The following RANBP2 variants were observed in gnomAD, a reference collection of about 807,000 sequenced individuals.
The protein encoded by RANBP2 is E3 SUMO-protein ligase RanBP2.
RANBP2 carries 57 observed loss-of-function variants against 303.6 expected under a neutral mutation model. The observed-to-expected ratio is 0.19, with a 90% CI of 0.15 to 0.23. RANBP2 has a LOEUF of 0.23. Among genes scored for constraint, RANBP2 ranks in the 10% least tolerant of loss-of-function variants. RANBP2 has a pLI of 1.00. For synonymous variants in RANBP2, 1,167 were observed against 1,301.5 expected (o/e 0.90, Z 2.23); for missense variants, 3,138 against 3,780.8 (o/e 0.83, Z 4.46).
the RANBP2 span, chr2:109,544,179 C>T: frequency 2.1e-5 from 34 of 1,589,838 alleles, no homozygotes; most frequent in African/African-American, 4.4e-4. Flanking sequence ...CCATAAATAT[C>T]AGTAACTGTG....
chr2:109,388,114 C>T, the RANBP2 span, among the ~76,000 whole-genome samples: 2,063 of 152,272 alleles, frequency 0.014, 39 homozygotes, highest in African/African-American at 0.046. Context: ...CACCATCCTA[C>T]GCCTGCCCAC....
chr2:109,514,429 T>A, the RANBP2 span, among the ~76,000 whole-genome samples: 1 of 152,134 alleles, frequency 6.6e-6, no homozygotes, highest in South Asian at 2.1e-4. Flanking sequence ...ATTATGACTG[T>A]GCACAGCTCA....
the RANBP2 span, among the ~76,000 whole-genome samples, chr2:109,094,800 A>C: frequency 6.6e-6 from 1 of 152,234 alleles, no homozygotes; most frequent in Admixed American, 6.5e-5. Context: ...ATTGCACTCC[A>C]GCCTGAGTGA....
At position 108,719,848 on chromosome 2, in the gene RANBP2, T is replaced by TC. The variant is rs1694074152; in HGVS notation, c.72+172dup. ...GTGGCGCTTGCAAGCGCATGAAGAG[T>TC]CCTGGGGGGACAGCGGTGGGCGGGA... On this transcript the variant is annotated intron_variant, in intron 1 of 28. Coordinates refer to ENST00000283195, the MANE Select transcript of RANBP2 (RefSeq NM_006267.5). Among the ~76,000 whole-genome samples, 10 of 151,980 alleles carry TC rather than the reference T, an allele frequency of 6.6e-5. No individual in the cohort carries two copies. In the South Asian group the frequency reaches 2.1e-3, roughly 32 times the overall value.
chr2:109,597,451 G>C, the RANBP2 span, among the ~76,000 whole-genome samples: 3 of 152,222 alleles, frequency 2.0e-5, no homozygotes, highest in Non-Finnish European at 4.4e-5. Flanking sequence ...CTCAACAGTA[G>C]TAAGACATGG....
the RANBP2 span, among the ~76,000 whole-genome samples, chr2:109,699,194 T>C: frequency 6.6e-6 from 1 of 152,248 alleles, no homozygotes; most frequent in Non-Finnish European, 1.5e-5. Context: ...ATTCCATGCA[T>C]GCACTAGTCA....
At chr2:108,807,036 G>A in the RANBP2 span, among the ~76,000 whole-genome samples, 31 of 152,248 alleles carry the variant, frequency 2.0e-4, no homozygotes, top group African/African-American at 7.5e-4. Flanking sequence ...TTACTCCTCA[G>A]TTTAAATGCC....
At chr2:109,056,159 G>A in the RANBP2 span, among the ~76,000 whole-genome samples, 4 of 151,888 alleles carry the variant, frequency 2.6e-5, no homozygotes, top group African/African-American at 7.3e-5. Context: ...TCTGTTTTTA[G>A]GGGGTGGGGG....
chr2:109,653,015 C>CT, the RANBP2 span, among the ~76,000 whole-genome samples: 1,977 of 152,262 alleles, frequency 0.013, 45 homozygotes, highest in African/African-American at 0.045. Flanking sequence ...TTTGTGTTTA[C>CT]TAAGGCAGCT....
At chr2:109,398,422 A>G in the RANBP2 span, among the ~76,000 whole-genome samples, 1 of 152,292 alleles carries the variant, frequency 6.6e-6, no homozygotes, top group Middle Eastern at 3.4e-3. Flanking sequence ...AACCTTTTCA[A>G]TAAAACCTAT....
chr2:109,474,969 T>TTTG, the RANBP2 span, among the ~76,000 whole-genome samples: 2 of 151,930 alleles, frequency 1.3e-5, no homozygotes, highest in Non-Finnish European at 2.9e-5. Flanking sequence ...TTTGGGTTTT[T>TTTG]TTTGTTTGTT....
At chr2:109,074,442 G>C in the RANBP2 span, among the ~76,000 whole-genome samples, 1 of 150,870 alleles carries the variant, frequency 6.6e-6, no homozygotes. Context: ...GCTTATGCCT[G>C]TAATCCCAGC....
intron 22 of RANBP2, 97 bp downstream of exon 22, chr2:108,772,678 C>T (rs887385397): frequency 1.0e-4 from 133 of 1,309,420 alleles, no homozygotes; most frequent in South Asian, 1.6e-4. Context: ...ATCGATTTTA[C>T]GATGCCCATG....
At chr2:108,867,282 A>G in the RANBP2 span, among the ~76,000 whole-genome samples, 1 of 152,224 alleles carries the variant, frequency 6.6e-6, no homozygotes, top group South Asian at 2.1e-4. Flanking sequence ...GCTGGAAGCT[A>G]GAACTCCAGA....
chr2:109,404,492 A>G, the RANBP2 span, among the ~76,000 whole-genome samples: 1 of 152,064 alleles, frequency 6.6e-6, no homozygotes, highest in Non-Finnish European at 1.5e-5. Context: ...AAGATGGGGG[A>G]GTGGGGCCTA....
chr2:109,513,740 C>A, the RANBP2 span, among the ~76,000 whole-genome samples: 2 of 152,196 alleles, frequency 1.3e-5, no homozygotes, highest in Non-Finnish European at 2.9e-5. Flanking sequence ...CCCATGGAGG[C>A]TGTAGTCTGT....
At chr2:109,035,907 G>C in the RANBP2 span, among the ~76,000 whole-genome samples, 1 of 152,130 alleles carries the variant, frequency 6.6e-6, no homozygotes, top group Non-Finnish European at 1.5e-5. Flanking sequence ...GAGAAATGAA[G>C]CATTATTCAT....
chr2:109,139,307 C>A, the RANBP2 span, among the ~76,000 whole-genome samples: 1 of 152,020 alleles, frequency 6.6e-6, no homozygotes, highest in Admixed American at 6.5e-5. Flanking sequence ...GCCAATGAGA[C>A]TGACCTTTTT....
chr2:108,836,296 A>G, the RANBP2 span, among the ~76,000 whole-genome samples: 3 of 152,178 alleles, frequency 2.0e-5, no homozygotes, highest in Admixed American at 6.5e-5. Flanking sequence ...ACTTAGCATA[A>G]TATCCATAAG....
Sources: allele counts gnomAD v4.1 joint callset (sites outside exome capture counted in the v4.1 genomes callset), GRCh38; gene constraint gnomAD v4.1.1; transcripts MANE v1.5; gene names NCBI Gene and HGNC (gene_info 2026-07-23, HGNC 2026-07-21).